The following NDUFA10 variants were observed in gnomAD, a reference collection of about 807,000 sequenced individuals.
The protein encoded by NDUFA10 is NADH dehydrogenase [ubiquinone] 1 alpha subcomplex subunit 10, mitochondrial.
NDUFA10 carries 40 observed loss-of-function variants against 47.8 expected under a neutral mutation model. The ratio of observed to expected loss-of-function variants is 0.84; its 90% CI spans 0.65 to 1.09. NDUFA10 has a LOEUF of 1.09. NDUFA10 is among the 50% of genes least tolerant of loss of function. NDUFA10 has a pLI of 0.00. For missense variants in NDUFA10, 413 were observed against 451.1 expected (o/e 0.92, Z 0.76); for synonymous variants, 183 against 172.2 (o/e 1.06, Z -0.49).
chr2:240,019,534 G>A (rs1559404871), intron 3 of NDUFA10, among the ~76,000 whole-genome samples: 1 of 99,554 alleles, frequency 1.0e-5, no homozygotes, highest in Admixed American at 1.0e-4. Context: ...AAAAGAACGT[G>A]GAGGCCGGGC....
chr2:240,024,461 A>G (rs1341260223), intron 1 of NDUFA10, among the ~76,000 whole-genome samples: 1 of 152,236 alleles, frequency 6.6e-6, no homozygotes, highest in African/African-American at 2.4e-5. Context: ...TTGGAGAAAA[A>G]GAAGGGTTTA....
chr2:239,923,721 C>T (rs1247629411), intron 4 of NDUFA10, among the ~76,000 whole-genome samples: 1 of 151,148 alleles, frequency 6.6e-6, no homozygotes, highest in Non-Finnish European at 1.5e-5. Flanking sequence ...GCACAATAAA[C>T]ACAGAGCAAG....
chr2:239,942,581 G>T (rs541159535), intron 4 of NDUFA10, among the ~76,000 whole-genome samples: 24 of 152,126 alleles, frequency 1.6e-4, no homozygotes, highest in Non-Finnish European at 3.5e-4. Flanking sequence ...TTGAATTCAT[G>T]TTCTTATCAA....
At chr2:239,909,792 T>C (rs1011765393) in intron 4 of NDUFA10, among the ~76,000 whole-genome samples, 2 of 151,898 alleles carry the variant, frequency 1.3e-5, no homozygotes, top group African/African-American at 4.8e-5. Context: ...CAAAAGAAAC[T>C]ATCTATCATC....
intron 8 of NDUFA10, among the ~76,000 whole-genome samples, chr2:239,994,500 G>T (rs1273445781): frequency 6.6e-6 from 1 of 151,818 alleles, no homozygotes. Context: ...CAAGCTCAGG[G>T]CTCCCACTGA....
intron 1 of NDUFA10, among the ~76,000 whole-genome samples, chr2:240,023,534 A>G (rs1697728595): frequency 6.6e-6 from 1 of 152,200 alleles, no homozygotes; most frequent in Non-Finnish European, 1.5e-5. Flanking sequence ...TATACATAAG[A>G]TTGACCTATA....
At chr2:239,989,475 T>C (rs114231702) in intron 9 of NDUFA10, among the ~76,000 whole-genome samples, 1,761 of 152,370 alleles carry the variant, frequency 0.012, 31 homozygotes, top group African/African-American at 0.038. Context: ...CTCTTCCCAG[T>C]CCACTGACAT....
At chr2:239,925,051 A>T (rs1453687035) in intron 4 of NDUFA10, among the ~76,000 whole-genome samples, 1 of 152,168 alleles carries the variant, frequency 6.6e-6, no homozygotes, top group Non-Finnish European at 1.5e-5. Flanking sequence ...GAGATAAGTA[A>T]AATAAGATCT....
chr2:239,949,038 G>C (rs947249320), intron 4 of NDUFA10, among the ~76,000 whole-genome samples: 1 of 152,192 alleles, frequency 6.6e-6, no homozygotes, highest in Non-Finnish European at 1.5e-5. Flanking sequence ...TGCCTTGCAG[G>C]CTTTCTCATT....
rs1052603664 is a variant in NDUFA10 at position 239,906,124 on chromosome 2, C to A, written c.295-10810G>T. ...AGATGTGTGCTGAGCTCATGACCTTCGGGGGCTCTGGGCGGGCCCTGCTCT... is the reference window on the plus strand; with the variant it reads ...AGATGTGTGCTGAGCTCATGACCTTAGGGGGCTCTGGGCGGGCCCTGCTCT... On this transcript the variant is annotated intron_variant, in intron 4 of 5. Coordinates refer to the NDUFA10 transcript ENST00000419408. The surrounding 1 kb of genome is among the most constrained non-coding windows in gnomAD (Gnocchi z 4.3). Among the ~76,000 whole-genome samples, 1 of 152,106 alleles carries A rather than the reference C, an allele frequency of 6.6e-6. No individual in the cohort carries two copies. Among genetic ancestry groups the A allele is most frequent in the Non-Finnish European group, 1.5e-5 (1 of 68,006 alleles).
At chr2:239,971,336 C>T (rs1195352894) in intron 9 of NDUFA10, among the ~76,000 whole-genome samples, 2 of 152,224 alleles carry the variant, frequency 1.3e-5, no homozygotes, top group Non-Finnish European at 2.9e-5. Context: ...ACTTGCTATT[C>T]CTGGCCAAGG....
intron 4 of NDUFA10, among the ~76,000 whole-genome samples, chr2:240,015,814 G>A (rs973412507): frequency 6.6e-6 from 1 of 152,216 alleles, no homozygotes; most frequent in African/African-American, 2.4e-5. Flanking sequence ...CCTTCCAGAA[G>A]TGACAGATGG....
intron 4 of NDUFA10, among the ~76,000 whole-genome samples, chr2:239,932,737 A>G (rs1385478333): frequency 3.3e-5 from 5 of 151,792 alleles, no homozygotes; most frequent in East Asian, 3.9e-4. Flanking sequence ...CCGCCACCAT[A>G]CCCGGCTAAT....
At chr2:239,917,374 T>A (rs73099857) in intron 4 of NDUFA10, among the ~76,000 whole-genome samples, 27,189 of 151,986 alleles carry the variant, frequency 0.18, 2,936 homozygotes, top group African/African-American at 0.3. Flanking sequence ...ATAGGGAGAA[T>A]AAAAACAAAT....
chr2:240,018,275 C>A, intron 4 of NDUFA10: 1 of 801,740 alleles, frequency 1.2e-6, no homozygotes, highest in Non-Finnish European at 2.0e-6. Context: ...TAACGGGAGG[C>A]TGTGGGGGCT....
intron 7 of NDUFA10, 71 bp from the exon 8 acceptor site, chr2:240,005,366 T>G (rs1696910487): frequency 8.0e-7 from 1 of 1,257,060 alleles, no homozygotes; most frequent in Non-Finnish European, 1.2e-6. Flanking sequence ...AACTTTTTTT[T>G]GAGACAGGGT....
intron 9 of NDUFA10, among the ~76,000 whole-genome samples, chr2:239,967,648 A>C (rs1374892225): frequency 6.6e-6 from 1 of 152,230 alleles, no homozygotes; most frequent in Admixed American, 6.5e-5. Context: ...AAGTGCCTAC[A>C]GGTGCCAGGT....
intron 4 of NDUFA10, among the ~76,000 whole-genome samples, chr2:239,917,826 C>T (rs1693902307): frequency 6.6e-6 from 1 of 152,204 alleles, no homozygotes; most frequent in South Asian, 2.1e-4. Context: ...CTGCTTTACC[C>T]CAAGGTCTCT....
At chr2:239,964,067 C>T (rs945473662) in intron 9 of NDUFA10, among the ~76,000 whole-genome samples, 1 of 152,176 alleles carries the variant, frequency 6.6e-6, no homozygotes, top group Non-Finnish European at 1.5e-5. Context: ...TATGTCTATG[C>T]CTGCACGCCC....
Sources: allele counts gnomAD v4.1 joint callset (sites outside exome capture counted in the v4.1 genomes callset), GRCh38; gene constraint gnomAD v4.1.1; non-coding constraint Gnocchi (gnomAD v3.1); transcripts MANE v1.5; gene names NCBI Gene and HGNC (gene_info 2026-07-23, HGNC 2026-07-21).